The following NUDT3 variants were observed in gnomAD, a reference collection of about 807,000 sequenced individuals.
NUDT3 encodes the protein diphosphoinositol polyphosphate phosphohydrolase 1.
In NUDT3, 9 loss-of-function variants were observed where a neutral mutation model predicts 23.6. That is an observed-to-expected ratio of 0.38 (90% CI 0.23 to 0.66). The LOEUF (loss-of-function observed/expected upper bound fraction) is 0.66. NUDT3 is among the 30% of genes least tolerant of loss of function. The pLI is 0.52. For missense variants in NUDT3, 172 were observed against 218.5 expected (o/e 0.79, Z 1.34); for synonymous variants, 86 against 82.6 (o/e 1.04, Z -0.22).
chr6:34,319,628 T>C (rs998979846), intron 2 of NUDT3, among the ~76,000 whole-genome samples: 3 of 152,300 alleles, frequency 2.0e-5, no homozygotes, highest in East Asian at 1.9e-4. Context: ...ATAGGCATGA[T>C]TGGACAACCA....
chr6:34,333,329 T>C (rs1764157957), intron 2 of NUDT3, among the ~76,000 whole-genome samples: 1 of 152,264 alleles, frequency 6.6e-6, no homozygotes, highest in Non-Finnish European at 1.5e-5. Flanking sequence ...TGGAATTTAA[T>C]GAGACCTAGG....
In NUDT3 at chr6:34,293,541, G is replaced by A; in HGVS notation, c.256-6C>T. ...CTGTGCTTCCTCTCCTGGTTCTGAA[G>A]GGCAAAGAGAGAAGGATAGAGAGAG... On this transcript the variant is annotated splice_polypyrimidine_tract_variant and splice_region_variant and intron_variant, in intron 3 of 4. Transcript: ENST00000607016. 1.2e-6 allele frequency: 2 copies of A among 1,614,114 alleles called. No homozygotes were observed. The highest frequency in any genetic ancestry group is 1.7e-5 in the Admixed American group (1 of 60,030).
intron 2 of NUDT3, among the ~76,000 whole-genome samples, chr6:34,306,845 T>C (rs1049939729): frequency 6.6e-6 from 1 of 152,214 alleles, no homozygotes; most frequent in Non-Finnish European, 1.5e-5. Flanking sequence ...TAATTTAGAG[T>C]AGTTATTTGT....
At chr6:34,319,961 T>C (rs902279085) in intron 2 of NUDT3, among the ~76,000 whole-genome samples, 35 of 152,194 alleles carry the variant, frequency 2.3e-4, no homozygotes, top group African/African-American at 8.0e-4. Context: ...CAAAAGGCTA[T>C]GACAGTTAGG....
chr6:34,368,187 C>T (rs760884475), intron 1 of NUDT3, among the ~76,000 whole-genome samples: 6 of 152,048 alleles, frequency 3.9e-5, no homozygotes, highest in Non-Finnish European at 7.4e-5. Flanking sequence ...GGCGACAGAG[C>T]GAGACTACAT....
intron 2 of NUDT3, among the ~76,000 whole-genome samples, chr6:34,304,161 G>A (rs1426491033): frequency 6.6e-6 from 1 of 150,976 alleles, no homozygotes; most frequent in African/African-American, 2.4e-5. Flanking sequence ...GCTGAAGGAG[G>A]AGAACCACTT....
chr6:34,389,093 C>A (rs1048426936), intron 1 of NUDT3, among the ~76,000 whole-genome samples: 3 of 151,852 alleles, frequency 2.0e-5, no homozygotes, highest in Non-Finnish European at 4.4e-5. Flanking sequence ...CAAAGGGAGA[C>A]CCTGTGATAT....
At chr6:34,323,186 G>A (rs923284272) in intron 2 of NUDT3, among the ~76,000 whole-genome samples, 22 of 151,354 alleles carry the variant, frequency 1.5e-4, no homozygotes, top group African/African-American at 5.3e-4. Context: ...CAAAACCTCA[G>A]CAACATGCAA....
intron 2 of NUDT3, among the ~76,000 whole-genome samples, chr6:34,312,275 G>A (rs936019194): frequency 6.6e-6 from 1 of 151,846 alleles, no homozygotes; most frequent in African/African-American, 2.4e-5. Flanking sequence ...GGTGGTGCGC[G>A]CCTATAATTC....
At chr6:34,321,092 A>C (rs1318090044) in intron 2 of NUDT3, among the ~76,000 whole-genome samples, 1 of 152,090 alleles carries the variant, frequency 6.6e-6, no homozygotes, top group African/African-American at 2.4e-5. Flanking sequence ...AGCAGTTAGA[A>C]TGACTGGCAC....
chr6:34,385,808 C>T (rs899794585), intron 1 of NUDT3, among the ~76,000 whole-genome samples: 21 of 152,078 alleles, frequency 1.4e-4, no homozygotes, highest in African/African-American at 5.1e-4. Flanking sequence ...CTCAGCCTCC[C>T]ATGTAGCTGG....
chr6:34,376,772 C>T (rs574638583), intron 1 of NUDT3, among the ~76,000 whole-genome samples: 2 of 152,250 alleles, frequency 1.3e-5, no homozygotes, highest in South Asian at 4.1e-4. Flanking sequence ...TTTCCACAAC[C>T]CTTTGAAGGA....
rs545723477 is a variant in NUDT3, at chr6:34,321,165, C to T, written c.210+20697G>A. ...AATATGTGTTGTCTCAGGCCAGGCA[C>T]GGTGGCTCACGCATGTGAACCTAGC... On this transcript the variant is annotated intron_variant, in intron 2 of 4. Coordinates refer to ENST00000607016, the MANE Select transcript of NUDT3 (RefSeq NM_006703.4). Among the ~76,000 whole-genome samples the T allele has an allele frequency of 4.6e-5, 7 of 152,116 alleles. No individual in the cohort carries two copies. The South Asian group carries it at 1.2e-3, about 27-fold the overall frequency.
intron 2 of NUDT3, among the ~76,000 whole-genome samples, chr6:34,335,639 T>C (rs920144769): frequency 7.9e-5 from 12 of 151,766 alleles, no homozygotes; most frequent in Non-Finnish European, 1.6e-4. Flanking sequence ...AAGAAGCTTA[T>C]ATATAGCATG....
intron 2 of NUDT3, among the ~76,000 whole-genome samples, chr6:34,327,528 CAAA>C (rs60757572): frequency 7.4e-5 from 7 of 94,100 alleles, no homozygotes; most frequent in Non-Finnish European, 7.1e-5. Context: ...GACTCCGCCT[CAAA>C]AAAAAAAAAA....
intron 2 of NUDT3, among the ~76,000 whole-genome samples, chr6:34,337,493 C>A (rs985895117): frequency 1.3e-5 from 2 of 152,176 alleles, no homozygotes; most frequent in African/African-American, 4.8e-5. Context: ...TATTTTACTC[C>A]TATTTCACAC....
rs1340489749 is a variant in NUDT3 at position 34,284,828 on chromosome 6, G to C, written c.*3925C>G. Reference sequence around the variant, plus strand: ...AAGCAAGCCTGAGAGGCATTACATGGGCTGGCTCCTAATATCAAAACAAAA... The same window carrying C: ...AAGCAAGCCTGAGAGGCATTACATGCGCTGGCTCCTAATATCAAAACAAAA... On this transcript the variant is annotated 3_prime_UTR_variant, in exon 5 of 5. Coordinates refer to ENST00000607016, the MANE Select transcript of NUDT3 (RefSeq NM_006703.4). 6.6e-6 allele frequency: 1 copy of C among 152,052 alleles called. No individual in the cohort carries two copies. The highest frequency in any genetic ancestry group is 2.4e-5 in the African/African-American group (1 of 41,386). The allele number at this position is 152,052 out of a possible 1,614,324, so 9.4% of individuals were successfully genotyped here.
At chr6:34,308,460 CAAA>C (rs1183799403) in intron 2 of NUDT3, among the ~76,000 whole-genome samples, 8 of 81,976 alleles carry the variant, frequency 9.8e-5, no homozygotes, top group Admixed American at 2.8e-4. Context: ...GATCGTCTCT[CAAA>C]AAAAAAAAAA....
At position 34,392,631 on chromosome 6, in the gene NUDT3, G is replaced by A; in HGVS notation, c.-269C>T. On this transcript the variant is annotated 5_prime_UTR_variant, in exon 1 of 5. Coordinates refer to ENST00000607016, the MANE Select transcript of NUDT3 (RefSeq NM_006703.4). ...CTCTGCCGCCGCCACCCCCGACGAC[G>A]ACCGCGCCGCCATCTTGGGCGCGAT... The A allele has an allele frequency of 4.1e-6, 1 of 245,342 alleles. No individual in the cohort carries two copies. Among genetic ancestry groups the A allele is most frequent in the Non-Finnish European group, 7.8e-6 (1 of 128,742 alleles). 15.2% of individuals were successfully genotyped at this position (245,342 alleles called of 1,614,324 possible).
Sources: gnomAD v4.1 joint callset for allele counts (sites outside exome capture counted in the v4.1 genomes callset) on GRCh38, gnomAD v4.1.1 for gene constraint, MANE v1.5 for transcripts, NCBI Gene and HGNC (gene_info 2026-07-23, HGNC 2026-07-21) for gene names.